The following EIF4ENIF1 variants were observed in gnomAD, a reference collection of about 807,000 sequenced individuals.
EIF4ENIF1 encodes eukaryotic translation initiation factor 4E transporter.
Under a neutral mutation model 110.5 loss-of-function variants are expected in EIF4ENIF1, and 23 were observed. The ratio of observed to expected loss-of-function variants is 0.21; its 90% confidence interval spans 0.15 to 0.29. The LOEUF is 0.29. Among genes scored for constraint, EIF4ENIF1 ranks in the 10% least tolerant of loss-of-function variants. The pLI, the probability that EIF4ENIF1 is intolerant of heterozygous loss-of-function variation, is 1.00. For missense variants in EIF4ENIF1, 1,031 were observed against 1,221.1 expected (o/e 0.84, Z 2.32); for synonymous variants, 440 against 437.0 (o/e 1.01, Z -0.09).
chr22:31,450,785 CATAT>C lies in EIF4ENIF1; in HGVS notation c.1513-429_1513-426del, dbSNP rs1201868374. The stretch of plus-strand genomic sequence containing the variant: ...ATATATACATACATATATACACACA[CATAT>C]ACACATATACATACACATACATATA... On this transcript the variant is annotated intron_variant, in intron 10 of 18. Coordinates refer to ENST00000330125, the MANE Select transcript of EIF4ENIF1 (RefSeq NM_019843.4). The C allele has an allele frequency of 6.2e-4, 139 of 225,322 alleles. 2 individuals carry two copies. The highest frequency in any genetic ancestry group is 1.7e-3 in the Middle Eastern group (1 of 606). 14.0% of individuals were successfully genotyped at this position (225,322 alleles called of 1,614,324 possible). A position where few individuals can be genotyped will look rare whatever the true frequency, so the allele number is the denominator to read the frequency against.
chr22:31,440,933 CTG>C, intron 17 of EIF4ENIF1, 65 bp from the exon 18 acceptor site: 1 of 1,587,670 alleles, frequency 6.3e-7, no homozygotes, highest in East Asian at 2.3e-5. Flanking sequence ...TCCAGCTTCA[CTG>C]TACAGTTTTG....
intron 10 of EIF4ENIF1, 124 bp downstream of exon 10, chr22:31,454,020 A>G (rs1256370639): frequency 1.2e-6 from 1 of 801,628 alleles, no homozygotes; most frequent in Admixed American, 2.7e-5. Context: ...AGCATCAAGG[A>G]CCAAATGACT....
intron 4 of EIF4ENIF1, chr22:31,464,202 T>A (rs1167537389): frequency 4.1e-6 from 2 of 490,940 alleles, no homozygotes; most frequent in East Asian, 7.1e-5. Context: ...TAATTTTCCA[T>A]GATTAGTCTT....
chr22:31,468,320 C>T lies in EIF4ENIF1; in HGVS notation c.171-18G>A, dbSNP rs747370409. The stretch of plus-strand genomic sequence containing the variant: ...CACCATCACTACAGGTCAAAAAATA[C>T]AACTGTTAGCACTTACGCCCATGAA... On this transcript the variant is annotated intron_variant, in intron 3 of 18. Coordinates refer to ENST00000330125, the MANE Select transcript of EIF4ENIF1 (RefSeq NM_019843.4). The T allele has an allele frequency of 1.2e-6, 2 of 1,614,126 alleles. No homozygotes were observed. Among genetic ancestry groups the T allele is most frequent in the Middle Eastern group, 1.7e-4 (1 of 6,060 alleles).
At chr22:31,442,533 G>A (rs1390167275) in intron 16 of EIF4ENIF1, among the ~76,000 whole-genome samples, 2 of 152,050 alleles carry the variant, frequency 1.3e-5, no homozygotes, top group East Asian at 1.9e-4. Flanking sequence ...ATGTTACCAC[G>A]TCCTTCACAA....
At chr22:31,459,305 C>G (rs1197508175) in intron 6 of EIF4ENIF1, among the ~76,000 whole-genome samples, 1 of 152,024 alleles carries the variant, frequency 6.6e-6, no homozygotes, top group Non-Finnish European at 1.5e-5. Context: ...AAAAATGGAA[C>G]CAAATTAATT....
rs77679810 is a variant in EIF4ENIF1, at chr22:31,482,673, C to T, written c.96+5950G>A. 2.9e-4 allele frequency among the ~76,000 whole-genome samples: 44 copies of T among 149,780 alleles called. No individual in the cohort carries two copies. The East Asian group carries it at 6.8e-3, about 23-fold the overall frequency. On this transcript the variant is annotated intron_variant, in intron 2 of 18. Coordinates refer to ENST00000330125, the MANE Select transcript of EIF4ENIF1 (RefSeq NM_019843.4). ...CTCCAGCCTGGGTGACAGAGTGAGA[C>T]GCGGTCTCAAAAACAAACAAAAAAA...
chr22:31,440,670 G>A (rs369850044), intron 18 of EIF4ENIF1, 34 bp downstream of exon 18: 85 of 1,604,064 alleles, frequency 5.3e-5, no homozygotes, highest in African/African-American at 4.6e-4. Context: ...CCCTAAGTCC[G>A]TCCCAAACTC....
At position 31,455,155 on chromosome 22, in the gene EIF4ENIF1, T is replaced by C. The variant is rs368984314; in HGVS notation, c.1260A>G (p.Lys420=). The part of the protein sequence containing the change: ...KPLLSSLSAN[K]EKLKESSHSG... ...ACTTACAGCTTTCTTTAAGTTTTTC[T>C]TTATTTGCAGAAAGGCTGGAAAGAA... The change falls in exon 9 of 19, where the codon AAA becomes AAG. Residue 420 remains lysine, a synonymous_variant. Transcript: ENST00000330125. The C allele has an allele frequency of 2.5e-5, 40 of 1,611,308 alleles. No individual in the cohort carries two copies. The highest frequency in any genetic ancestry group is 3.3e-5 in the Non-Finnish European group (39 of 1,179,272).
At chr22:31,441,746 C>G in intron 17 of EIF4ENIF1, 28 bp downstream of exon 17, 1 of 1,574,474 alleles carries the variant, frequency 6.4e-7, no homozygotes, top group Non-Finnish European at 8.7e-7. Flanking sequence ...CACAAACTGA[C>G]GACACCCAAG....
At chr22:31,470,060 A>AGG (rs1254164894) in intron 3 of EIF4ENIF1, among the ~76,000 whole-genome samples, 1 of 147,442 alleles carries the variant, frequency 6.8e-6, no homozygotes, top group Non-Finnish European at 1.5e-5. Context: ...ACTACTCGGG[A>AGG]GGCTGAGGCA....
intron 2 of EIF4ENIF1, among the ~76,000 whole-genome samples, chr22:31,474,414 C>T (rs5753639): frequency 0.29 from 43,486 of 151,640 alleles, 6,829 homozygotes; most frequent in East Asian, 0.54. Context: ...AATTATGTGG[C>T]GCTCAAACTG....
chr22:31,457,974 A>G (rs1229171699), intron 7 of EIF4ENIF1, among the ~76,000 whole-genome samples: 1 of 152,196 alleles, frequency 6.6e-6, no homozygotes, highest in East Asian at 1.9e-4. Flanking sequence ...TCACGCCTGT[A>G]ATCCCAGCAC....
At chr22:31,442,863 C>A in intron 16 of EIF4ENIF1, 99 bp downstream of exon 16, 1 of 1,491,926 alleles carries the variant, frequency 6.7e-7, no homozygotes. Context: ...GTGGTCTTGC[C>A]CAGGGCTTTG....
intron 2 of EIF4ENIF1, among the ~76,000 whole-genome samples, chr22:31,480,652 G>A (rs918872356): frequency 6.6e-6 from 1 of 152,188 alleles, no homozygotes; most frequent in African/African-American, 2.4e-5. Flanking sequence ...CTACTCGGGA[G>A]GCTAAGGCAG....
chr22:31,485,774 A>G (rs1353170455), intron 2 of EIF4ENIF1, among the ~76,000 whole-genome samples: 1 of 151,944 alleles, frequency 6.6e-6, no homozygotes, highest in Non-Finnish European at 1.5e-5. Flanking sequence ...ATTGCACTCC[A>G]GCCTGAGCAG....
In EIF4ENIF1 at chr22:31,440,047, G is replaced by GT; in HGVS notation, c.2790_2791insA (p.Arg931ThrfsTer50). The GT allele has an allele frequency of 6.2e-7, 1 of 1,614,056 alleles. No homozygotes were observed. Among genetic ancestry groups the GT allele is most frequent in the African/African-American group, 1.3e-5 (1 of 75,038 alleles). On this transcript the variant is annotated frameshift_variant, in exon 19 of 19. Transcript: ENST00000330125. LOFTEE classifies it high-confidence loss of function. ...GAGTGCATGTGGGGCAGGCCTGACC[G>GT]GCTGGGCACGTTCTGAGGGGTTGTC...
At chr22:31,471,805 T>C (rs1207830704) in intron 3 of EIF4ENIF1, 39 bp downstream of exon 3, 1 of 1,514,774 alleles carries the variant, frequency 6.6e-7, no homozygotes, top group Non-Finnish European at 8.9e-7. Context: ...CAAAAAGTTA[T>C]TGACTAGAAG....
At chr22:31,443,382 A>G in intron 15 of EIF4ENIF1, 4 of 280,854 alleles carry the variant, frequency 1.4e-5, no homozygotes, top group Non-Finnish European at 2.0e-5. Flanking sequence ...GAGAAAGAAC[A>G]TGGCCAGAAA....
Sources: gnomAD v4.1 joint callset for allele counts (sites outside exome capture counted in the v4.1 genomes callset) on GRCh38, gnomAD v4.1.1 for gene constraint, MANE v1.5 for transcripts, NCBI Gene and HGNC (gene_info 2026-07-23, HGNC 2026-07-21) for gene names.